ZCCHC4: variants seen among roughly 807,000 people sequenced by gnomAD.
The protein encoded by ZCCHC4 is zinc finger CCHC-type containing 4.
Under a neutral mutation model 67.7 loss-of-function variants are expected in ZCCHC4, and 54 were observed. The ratio of observed to expected loss-of-function variants is 0.80; its 90% CI spans 0.64 to 1.00. ZCCHC4 has a LOEUF of 1.00. Ranked by LOEUF, ZCCHC4 falls within the 50% of genes least tolerant of loss-of-function variation. The pLI is 0.00. For missense variants in ZCCHC4, 609 were observed against 617.0 expected, an observed-to-expected ratio of 0.99 and a Z score of 0.14; for synonymous variants, 198 against 213.5, an observed-to-expected ratio of 0.93 and a Z score of 0.63.
chr4:25,338,012 CT>C (rs1477735771), intron 5 of ZCCHC4, among the ~76,000 whole-genome samples: 1 of 152,138 alleles, frequency 6.6e-6, no homozygotes, highest in Non-Finnish European at 1.5e-5. Context: ...TGGGTTTTGG[CT>C]TTTTAAACCT....
rs778789607 is a variant in ZCCHC4 at position 25,345,553 on chromosome 4, C to T, written c.692C>T (p.Ser231Leu). 6.6e-7 allele frequency: 1 copy of T among 1,511,666 alleles called. No homozygotes were observed. Among genetic ancestry groups the T allele is most frequent in the East Asian group, 2.3e-5 (1 of 44,374 alleles). 93.6% of individuals were successfully genotyped at this position (1,511,666 alleles called of 1,614,324 possible). The change falls in exon 6 of 13, where the codon TCA becomes TTA. Residue 231 changes from serine to leucine, a missense_variant. Transcript: ENST00000302874. The part of the protein sequence containing the change: ...SLLLDIDFRY[S>L]QFYMEDSFCH... The stretch of plus-strand genomic sequence containing the variant: ...ACTCTGTAATTATTTTACAGGTATT[C>T]ACAGTTTTATATGGAAGATAGCTTT...
chr4:25,342,597 C>T (rs1235920038), intron 5 of ZCCHC4, among the ~76,000 whole-genome samples: 1 of 152,124 alleles, frequency 6.6e-6, no homozygotes, highest in Non-Finnish European at 1.5e-5. Context: ...ATTACATTTC[C>T]TGTGTGTAGA....
intron 12 of ZCCHC4, among the ~76,000 whole-genome samples, chr4:25,366,708 G>A (rs764510458): frequency 3.4e-4 from 52 of 152,186 alleles, no homozygotes; most frequent in Non-Finnish European, 7.2e-4. Flanking sequence ...CTGTACCATT[G>A]TCAGTGTGAT....
At chr4:25,367,903 T>G (rs1487093954) in intron 12 of ZCCHC4, among the ~76,000 whole-genome samples, 2 of 152,184 alleles carry the variant, frequency 1.3e-5, no homozygotes, top group Non-Finnish European at 2.9e-5. Flanking sequence ...GGAATCAAGC[T>G]GGTTCTGCAA....
chr4:25,323,121 A>G (rs1577726952), intron 3 of ZCCHC4, among the ~76,000 whole-genome samples: 1 of 152,218 alleles, frequency 6.6e-6, no homozygotes, highest in Non-Finnish European at 1.5e-5. Flanking sequence ...AAAGCTCCCC[A>G]TCAGCCCTTT....
At chr4:25,345,116 T>TA (rs1006602872) in intron 5 of ZCCHC4, among the ~76,000 whole-genome samples, 5 of 151,532 alleles carry the variant, frequency 3.3e-5, no homozygotes, top group South Asian at 2.1e-4. Context: ...ATTAAATACT[T>TA]AAAAAAAAAT....
At chr4:25,343,520 G>T (rs2095518250) in intron 5 of ZCCHC4, among the ~76,000 whole-genome samples, 1 of 152,166 alleles carries the variant, frequency 6.6e-6, no homozygotes, top group Admixed American at 6.5e-5. Context: ...TATGTAGCTG[G>T]CATTGTATTA....
intron 5 of ZCCHC4, among the ~76,000 whole-genome samples, chr4:25,338,577 A>G (rs908299389): frequency 3.9e-5 from 6 of 152,150 alleles, no homozygotes; most frequent in South Asian, 4.1e-4. Flanking sequence ...TTTGACAACC[A>G]TGAATCTACT....
intron 12 of ZCCHC4, among the ~76,000 whole-genome samples, chr4:25,368,080 AAGTG>A (rs1315851921): frequency 6.6e-6 from 1 of 152,228 alleles, no homozygotes; most frequent in Non-Finnish European, 1.5e-5. Context: ...AGTAAACAAA[AAGTG>A]AGGCATAAAT....
At chr4:25,357,188 T>C (rs959329186) in intron 8 of ZCCHC4, among the ~76,000 whole-genome samples, 2 of 152,240 alleles carry the variant, frequency 1.3e-5, no homozygotes, top group African/African-American at 4.8e-5. Context: ...CACCTTCAGT[T>C]ATAGAATAGC....
At chr4:25,368,363 C>G (rs1207383295) in intron 12 of ZCCHC4, among the ~76,000 whole-genome samples, 1 of 152,166 alleles carries the variant, frequency 6.6e-6, no homozygotes, top group Non-Finnish European at 1.5e-5. Flanking sequence ...TGCAGGTCGC[C>G]TGTAACTTAG....
At position 25,351,530 on chromosome 4, in the gene ZCCHC4, T is replaced by C. The variant is rs562391663; in HGVS notation, c.911-59T>C. 3,181 of 1,176,636 alleles carry C rather than the reference T, an allele frequency of 2.7e-3. 11 individuals carry two copies. Among genetic ancestry groups the C allele is most frequent in the Non-Finnish European group, 3.5e-3 (2,911 of 820,652 alleles). 72.9% of individuals were successfully genotyped at this position (1,176,636 alleles called of 1,614,324 possible). A position where few individuals can be genotyped will look rare whatever the true frequency, so the allele number is the denominator to read the frequency against. ...CTTATGCTAGCGGAAGTTTTTCTACTGTAGCCTTCTATTTTTTCTTTAATT... is the reference window on the plus strand; with the variant it reads ...CTTATGCTAGCGGAAGTTTTTCTACCGTAGCCTTCTATTTTTTCTTTAATT... On this transcript the variant is annotated intron_variant, in intron 7 of 12. Transcript: ENST00000302874.
At chr4:25,324,014 G>GGTTTTTTT (rs777768505) in intron 3 of ZCCHC4, among the ~76,000 whole-genome samples, 2 of 82,448 alleles carry the variant, frequency 2.4e-5, no homozygotes, top group African/African-American at 5.2e-5. Context: ...TGTTTTTTGT[G>GGTTTTTTT]TTTTTTTTTT....
rs371241190 is a variant in ZCCHC4, at chr4:25,349,434, A to T, written c.760-58A>T. 132 of 1,550,992 alleles carry T rather than the reference A, an allele frequency of 8.5e-5. No homozygotes were observed. The East Asian group carries it at 1.5e-3, about 17-fold the overall frequency. On this transcript the variant is annotated intron_variant, in intron 6 of 12. Coordinates refer to ENST00000302874, the MANE Select transcript of ZCCHC4 (RefSeq NM_024936.3). ...CTGAGTCTAATGCATTCTCCTCCAA[A>T]TAGGATGAAGTGCCTCTCTCTAGTC... is the stretch of plus-strand genomic sequence containing the variant.
At chr4:25,323,806 C>G (rs1718708254) in intron 3 of ZCCHC4, among the ~76,000 whole-genome samples, 1 of 152,040 alleles carries the variant, frequency 6.6e-6, no homozygotes, top group African/African-American at 2.4e-5. Context: ...TGAATTTTGA[C>G]ATATACATCT....
intron 6 of ZCCHC4, among the ~76,000 whole-genome samples, chr4:25,346,250 A>G (rs1036674335): frequency 1.8e-4 from 27 of 150,388 alleles, no homozygotes; most frequent in African/African-American, 6.7e-4. Context: ...AAAAAAAAAA[A>G]GGACTGCAGT....
Position 25,315,303 on chromosome 4 carries a change from TG to T in ZCCHC4, c.247-14del, listed in dbSNP as rs760446268. 1.4e-5 allele frequency: 22 copies of T among 1,605,674 alleles called. No homozygotes were observed. The highest frequency in any genetic ancestry group is 1.6e-4 in the Middle Eastern group (1 of 6,062). Reference sequence around the variant, plus strand: ...ATTTCACAGTTTATTCAATGGGTTTTGTACTCTCTTTCAGTTGTCAGGAGCT... The same window carrying T: ...ATTTCACAGTTTATTCAATGGGTTTTTACTCTCTTTCAGTTGTCAGGAGCT... On this transcript the variant is annotated splice_polypyrimidine_tract_variant and intron_variant, in intron 2 of 12. Coordinates refer to ENST00000302874, the MANE Select transcript of ZCCHC4 (RefSeq NM_024936.3).
intron 10 of ZCCHC4, among the ~76,000 whole-genome samples, chr4:25,363,515 G>A (rs1720832166): frequency 6.6e-6 from 1 of 152,240 alleles, no homozygotes; most frequent in South Asian, 2.1e-4. Context: ...AACTAAATCT[G>A]GTCAGAAAGG....
intron 8 of ZCCHC4, among the ~76,000 whole-genome samples, chr4:25,355,318 A>G (rs1472413092): frequency 6.6e-6 from 1 of 152,188 alleles, no homozygotes; most frequent in East Asian, 1.9e-4. Flanking sequence ...CAGAAAAGAG[A>G]TGGTAGATAA....
Sources: gnomAD v4.1 joint callset for allele counts (sites outside exome capture counted in the v4.1 genomes callset) on GRCh38, gnomAD v4.1.1 for gene constraint, MANE v1.5 for transcripts, NCBI Gene and HGNC (gene_info 2026-07-23, HGNC 2026-07-21) for gene names.